MARCHF4: variants seen among roughly 807,000 people sequenced by gnomAD.
MARCHF4 encodes the protein E3 ubiquitin-protein ligase MARCHF4.
A neutral mutation model predicts 43.9 loss-of-function variants in MARCHF4; 14 were observed. The observed-to-expected ratio is 0.32, with a 90% confidence interval of 0.21 to 0.50. The LOEUF is 0.50. Ranked by LOEUF, MARCHF4 falls within the 20% of genes least tolerant of loss-of-function variation. MARCHF4 has a pLI of 0.98. For missense variants in MARCHF4, 468 were observed against 536.7 expected (o/e 0.87, Z 1.27); for synonymous variants, 226 against 213.3 (o/e 1.06, Z -0.52).
At chr2:216,323,734 A>G (rs1424804922) in intron 1 of MARCHF4, among the ~76,000 whole-genome samples, 2 of 152,230 alleles carry the variant, frequency 1.3e-5, no homozygotes, top group Admixed American at 1.3e-4. Context: ...AATGAAATAA[A>G]GGCAGAAATA....
In MARCHF4 at chr2:216,268,370, C is replaced by T. The variant is rs766683717; in HGVS notation, c.866-8691G>A. ...AAGTCTCATCTTGAATTGTAATCCC[C>T]GTGTATCAAGAAAGGGACCTATAAT... On this transcript the variant is annotated intron_variant, in intron 3 of 3. Coordinates refer to ENST00000273067, the MANE Select transcript of MARCHF4 (RefSeq NM_020814.3). 5.3e-5 allele frequency among the ~76,000 whole-genome samples: 8 copies of T among 152,156 alleles called. No individual in the cohort carries two copies. In the East Asian group the frequency reaches 7.7e-4, roughly 15 times the overall value.
chr2:216,313,202 T>G (rs1458775899), intron 1 of MARCHF4, among the ~76,000 whole-genome samples: 1 of 152,160 alleles, frequency 6.6e-6, no homozygotes, highest in Non-Finnish European at 1.5e-5. Flanking sequence ...GTATGTGGCT[T>G]TTTTTCTGGG....
At chr2:216,363,678 A>G (rs1692623009) in intron 1 of MARCHF4, among the ~76,000 whole-genome samples, 1 of 152,174 alleles carries the variant, frequency 6.6e-6, no homozygotes, top group Admixed American at 6.5e-5. Flanking sequence ...CCTTGGGTCC[A>G]TAATGGTGTC....
At chr2:216,311,724 C>T (rs1422938948) in intron 1 of MARCHF4, among the ~76,000 whole-genome samples, 3 of 152,112 alleles carry the variant, frequency 2.0e-5, no homozygotes, top group Admixed American at 6.6e-5. Flanking sequence ...CATGGGCTTG[C>T]ATAAGAGTAA....
intron 1 of MARCHF4, among the ~76,000 whole-genome samples, chr2:216,366,552 C>G (rs939195665): frequency 8.5e-5 from 13 of 152,300 alleles, no homozygotes; most frequent in African/African-American, 3.1e-4. Flanking sequence ...ACATGCTAAG[C>G]TCGTTCACAT....
At chr2:216,308,130 G>A (rs772331673) in intron 1 of MARCHF4, among the ~76,000 whole-genome samples, 6 of 152,140 alleles carry the variant, frequency 3.9e-5, no homozygotes, top group South Asian at 2.1e-4. Flanking sequence ...GGCTGGGTGC[G>A]GTAGTTCATG....
intron 3 of MARCHF4, among the ~76,000 whole-genome samples, chr2:216,268,587 C>CA (rs909545911): frequency 6.6e-6 from 1 of 152,176 alleles, no homozygotes; most frequent in African/African-American, 2.4e-5. Flanking sequence ...TGGGGCCTCC[C>CA]AAGCCATGTG....
intron 2 of MARCHF4, among the ~76,000 whole-genome samples, chr2:216,282,778 G>T (rs964106222): frequency 5.3e-5 from 8 of 152,092 alleles, no homozygotes; most frequent in African/African-American, 1.9e-4. Flanking sequence ...AATCTGTGTG[G>T]CAGGCCCTCA....
rs563796376 is a variant in MARCHF4 at position 216,363,380 on chromosome 2, G to A, written c.516+6365C>T. Among the ~76,000 whole-genome samples the A allele has an allele frequency of 4.6e-5, 7 of 152,326 alleles. No individual in the cohort carries two copies. The East Asian group carries it at 5.8e-4, about 13-fold the overall frequency. ...CCTCCTCTCATTCCCAGTTCTGCCC[G>A]TGAAAGTGAGACAGATGCATTCAAT... On this transcript the variant is annotated intron_variant, in intron 1 of 3. Transcript: ENST00000273067.
chr2:216,333,984 A>G (rs1692119859), intron 1 of MARCHF4, among the ~76,000 whole-genome samples: 1 of 150,610 alleles, frequency 6.6e-6, no homozygotes, highest in African/African-American at 2.4e-5. Flanking sequence ...TTTAAGAATG[A>G]TACCTAATGT....
chr2:216,338,402 C>T (rs1232250572), intron 1 of MARCHF4, among the ~76,000 whole-genome samples: 1 of 152,152 alleles, frequency 6.6e-6, no homozygotes, highest in Non-Finnish European at 1.5e-5. Flanking sequence ...GTTTCTGCCG[C>T]CTTCCTCCCA....
At chr2:216,366,226 C>T (rs1041663074) in intron 1 of MARCHF4, among the ~76,000 whole-genome samples, 4 of 152,202 alleles carry the variant, frequency 2.6e-5, no homozygotes, top group African/African-American at 7.2e-5. Context: ...ATCCAAGACA[C>T]AGGCAGGCTA....
chr2:216,298,197 A>G (rs1312230955), intron 1 of MARCHF4, among the ~76,000 whole-genome samples: 1 of 145,070 alleles, frequency 6.9e-6, no homozygotes, highest in African/African-American at 2.6e-5. Flanking sequence ...TTCTATTCTC[A>G]TGTCATTGAT....
At chr2:216,324,167 T>C (rs543935514) in intron 1 of MARCHF4, among the ~76,000 whole-genome samples, 43 of 147,236 alleles carry the variant, frequency 2.9e-4, no homozygotes, top group African/African-American at 1.0e-3. Flanking sequence ...CAAACTACCA[T>C]CAGAGAATAC....
chr2:216,361,581 C>G (rs1692580971), intron 1 of MARCHF4, among the ~76,000 whole-genome samples: 1 of 152,086 alleles, frequency 6.6e-6, no homozygotes, highest in Non-Finnish European at 1.5e-5. Flanking sequence ...TGTCAGGGAC[C>G]TGGTGATGAT....
chr2:216,336,741 T>TTAAAAAAAAAAAAAAAAAAA (rs1574481368), intron 1 of MARCHF4, among the ~76,000 whole-genome samples: 1 of 54,132 alleles, frequency 1.8e-5, no homozygotes, highest in Non-Finnish European at 3.3e-5. Context: ...GCAAATAGAT[T>TTAAAAAAAAAAAAAAAAAAA]TAAAAAAAAA....
chr2:216,321,983 T>C (rs1038240529), intron 1 of MARCHF4, among the ~76,000 whole-genome samples: 4 of 152,174 alleles, frequency 2.6e-5, no homozygotes, highest in African/African-American at 9.7e-5. Context: ...CATCCACACA[T>C]GGTGGACCTG....
chr2:216,349,588 A>G (rs772838146), intron 1 of MARCHF4, among the ~76,000 whole-genome samples: 3 of 152,138 alleles, frequency 2.0e-5, no homozygotes, highest in African/African-American at 7.2e-5. Context: ...CTTTATGGAG[A>G]AGGTGACATG....
intron 1 of MARCHF4, among the ~76,000 whole-genome samples, chr2:216,342,195 G>T (rs1055149068): frequency 1.6e-4 from 25 of 152,230 alleles, no homozygotes; most frequent in African/African-American, 5.8e-4. Context: ...AGAGCCCCCA[G>T]TTTGAGCCCT....
Sources: allele counts gnomAD v4.1 joint callset (sites outside exome capture counted in the v4.1 genomes callset), GRCh38; gene constraint gnomAD v4.1.1; transcripts MANE v1.5; gene names NCBI Gene and HGNC (gene_info 2026-07-23, HGNC 2026-07-21).